The following ELOVL5 variants were observed in gnomAD, a reference collection of about 807,000 sequenced individuals.
The protein encoded by ELOVL5 is very long chain fatty acid elongase 5.
In ELOVL5, 8 loss-of-function variants were observed where a neutral mutation model predicts 38.6. The ratio of observed to expected loss-of-function variants is 0.21; its 90% CI spans 0.12 to 0.37. The LOEUF is 0.37. Ranked by LOEUF, ELOVL5 falls within the 10% of genes least tolerant of loss-of-function variation. ELOVL5 has a pLI of 1.00. For synonymous variants in ELOVL5, 127 were observed against 133.7 expected, an observed-to-expected ratio of 0.95 and a Z score of 0.34; for missense variants, 280 against 367.8, an observed-to-expected ratio of 0.76 and a Z score of 1.95.
At chr6:53,335,808 A>G (rs1325197907) in intron 1 of ELOVL5, among the ~76,000 whole-genome samples, 1 of 152,200 alleles carries the variant, frequency 6.6e-6, no homozygotes, top group African/African-American at 2.4e-5. Context: ...AGATGTAAGC[A>G]AAGTTATCTG....
chr6:53,319,915 C>A (rs1768227454), intron 1 of ELOVL5, among the ~76,000 whole-genome samples: 1 of 152,168 alleles, frequency 6.6e-6, no homozygotes, highest in Non-Finnish European at 1.5e-5. Flanking sequence ...CTGGTTTGAT[C>A]CTTGGAAATG....
At chr6:53,311,504 C>A (rs1767830420) in intron 1 of ELOVL5, among the ~76,000 whole-genome samples, 3 of 152,290 alleles carry the variant, frequency 2.0e-5, no homozygotes, top group Middle Eastern at 6.8e-3. Context: ...GAAATGAAAA[C>A]ACACATTCAC....
chr6:53,286,206 A>G (rs2127572207), intron 3 of ELOVL5, among the ~76,000 whole-genome samples: 1 of 152,240 alleles, frequency 6.6e-6, no homozygotes, highest in South Asian at 2.1e-4. Flanking sequence ...AAAACTTACC[A>G]TATTTGCATA....
intron 1 of ELOVL5, among the ~76,000 whole-genome samples, chr6:53,310,338 A>G (rs1010657253): frequency 3.3e-5 from 5 of 152,154 alleles, no homozygotes; most frequent in Non-Finnish European, 5.9e-5. Context: ...AAATATCCCT[A>G]TTTTCTAGAC....
intron 1 of ELOVL5, among the ~76,000 whole-genome samples, chr6:53,325,023 C>T (rs1473223858): frequency 6.6e-6 from 1 of 152,136 alleles, no homozygotes; most frequent in Non-Finnish European, 1.5e-5. Flanking sequence ...AACCCTGTTC[C>T]ATCTAGACCG....
At chr6:53,333,508 CTG>C (rs1038958282) in intron 1 of ELOVL5, among the ~76,000 whole-genome samples, 3 of 152,218 alleles carry the variant, frequency 2.0e-5, no homozygotes, top group African/African-American at 7.2e-5. Context: ...TCCTCCCTCT[CTG>C]TTTTAAATCG....
rs555516056 is a variant in ELOVL5, at chr6:53,269,136, C to G, written c.891G>C (p.Arg297=). ...LENNVKPRKL[R]KD ...TTTCAATTCTTTGACTTCAATCCTTCCGCAGCTTCCTTGGCTTCACATTGT... is the reference window on the plus strand; with the variant it reads ...TTTCAATTCTTTGACTTCAATCCTTGCGCAGCTTCCTTGGCTTCACATTGT... Residue 297 remains arginine, a synonymous_variant, in exon 8 of 8, where the codon CGG becomes CGC. Transcript: ENST00000304434. 1 of 1,613,550 alleles carries G rather than the reference C, an allele frequency of 6.2e-7. No homozygotes were observed. Among genetic ancestry groups the G allele is most frequent in the African/African-American group, 1.3e-5 (1 of 75,020 alleles).
chr6:53,305,805 G>A lies in ELOVL5; in HGVS notation c.-8-10098C>T, dbSNP rs1213070134. Among the ~76,000 whole-genome samples the A allele has an allele frequency of 5.3e-5, 8 of 151,966 alleles. No individual in the cohort carries two copies. In the East Asian group the frequency reaches 5.9e-4, roughly 11 times the overall value. Reference sequence around the variant, plus strand: ...CTCCTCACTTCCCAGACGGGGTGGCGGCCGGGCAGAGGCTGCAATCTCCGC... The same window carrying A: ...CTCCTCACTTCCCAGACGGGGTGGCAGCCGGGCAGAGGCTGCAATCTCCGC... On this transcript the variant is annotated intron_variant, in intron 1 of 7. Coordinates refer to ENST00000304434, the MANE Select transcript of ELOVL5 (RefSeq NM_021814.5).
At chr6:53,343,790 C>A (rs1561897435) in intron 1 of ELOVL5, among the ~76,000 whole-genome samples, 2 of 152,178 alleles carry the variant, frequency 1.3e-5, no homozygotes, top group African/African-American at 4.8e-5. Context: ...TTAATAAACA[C>A]ACAAACATGT....
chr6:53,275,975 C>A (rs1195255380), intron 4 of ELOVL5, among the ~76,000 whole-genome samples: 1 of 152,184 alleles, frequency 6.6e-6, no homozygotes, highest in Non-Finnish European at 1.5e-5. Flanking sequence ...GTTATTTTTA[C>A]AGAGGGGGAT....
rs769273870 is a variant in ELOVL5, at chr6:53,267,663, T to C, written c.*1464A>G. On this transcript the variant is annotated 3_prime_UTR_variant, in exon 8 of 8. Transcript: ENST00000304434. ...ACCCACAAGACTAATAGAGAACCAATAGGCTCCCTATAGTACGAATGTGCA... is the reference window on the plus strand; with the variant it reads ...ACCCACAAGACTAATAGAGAACCAACAGGCTCCCTATAGTACGAATGTGCA... The C allele has an allele frequency of 7.2e-5, 11 of 152,588 alleles. No homozygotes were observed. Among genetic ancestry groups the C allele is most frequent in the Non-Finnish European group, 1.3e-4 (9 of 68,030 alleles). The allele number at this position is 152,588 out of a possible 1,614,324, so 9.5% of individuals were successfully genotyped here. A position where few individuals can be genotyped will look rare whatever the true frequency, so the allele number is the denominator to read the frequency against.
At chr6:53,338,200 AT>A (rs1561894663) in intron 1 of ELOVL5, among the ~76,000 whole-genome samples, 6 of 152,190 alleles carry the variant, frequency 3.9e-5, no homozygotes, top group Admixed American at 2.6e-4. Flanking sequence ...TACATTTTAA[AT>A]TTAATACGCC....
intron 1 of ELOVL5, among the ~76,000 whole-genome samples, chr6:53,301,979 G>A (rs1245327752): frequency 1.3e-5 from 2 of 152,094 alleles, no homozygotes; most frequent in South Asian, 2.1e-4. Context: ...GCACACCTTC[G>A]TCTGACTCAC....
At position 53,274,512 on chromosome 6, in the gene ELOVL5, T is replaced by A. The variant is rs141310150; in HGVS notation, c.496+578A>T. 8.2e-3 allele frequency among the ~76,000 whole-genome samples: 1,248 copies of A among 152,318 alleles called. 11 individuals carry two copies. The highest frequency in any genetic ancestry group is 0.012 in the Non-Finnish European group (793 of 68,028). On this transcript the variant is annotated intron_variant, in intron 5 of 7. Transcript: ENST00000304434. The stretch of plus-strand genomic sequence containing the variant: ...CATTTGCTAAAACTCCCAGGCTGAA[T>A]CTGAAGGTGGCAATCTCTGAAAATT...
intron 1 of ELOVL5, among the ~76,000 whole-genome samples, chr6:53,327,960 C>T (rs1768624025): frequency 6.6e-6 from 1 of 152,144 alleles, no homozygotes; most frequent in Non-Finnish European, 1.5e-5. Flanking sequence ...TCCCAAGACC[C>T]CATAAAAGTC....
chr6:53,273,466 C>T, intron 5 of ELOVL5, 122 bp from the exon 6 acceptor site: 9 of 828,826 alleles, frequency 1.1e-5, no homozygotes, highest in Non-Finnish European at 1.7e-5. Flanking sequence ...TCCAACGGAG[C>T]TGACAAACAC....
chr6:53,274,415 A>G (rs1463006528), intron 5 of ELOVL5, among the ~76,000 whole-genome samples: 1 of 152,162 alleles, frequency 6.6e-6, no homozygotes, highest in East Asian at 1.9e-4. Flanking sequence ...AGAGAAAAAA[A>G]TATCCATAAA....
rs143695355 is a variant in ELOVL5, at chr6:53,332,483, T to C, written c.-9+16334A>G. 2.8e-3 allele frequency among the ~76,000 whole-genome samples: 433 copies of C among 152,308 alleles called. 5 individuals carry two copies. Among genetic ancestry groups the C allele is most frequent in the African/African-American group, 9.9e-3 (410 of 41,574 alleles). On this transcript the variant is annotated intron_variant, in intron 1 of 7. Transcript: ENST00000304434. ...GTGGTTAAATCACATTAGGTAGTAC[T>C]GCAAATAGAATGTATTCAATTATCA...
intron 3 of ELOVL5, among the ~76,000 whole-genome samples, chr6:53,281,411 T>C (rs747546579): frequency 1.1e-4 from 17 of 152,172 alleles, no homozygotes; most frequent in Non-Finnish European, 2.4e-4. Context: ...AAACAGGGAA[T>C]GAGAAGTGAT....
Sources: gnomAD v4.1 joint callset for allele counts (sites outside exome capture counted in the v4.1 genomes callset) on GRCh38, gnomAD v4.1.1 for gene constraint, MANE v1.5 for transcripts, NCBI Gene and HGNC (gene_info 2026-07-23, HGNC 2026-07-21) for gene names.